NXPE2: variants seen among roughly 807,000 people sequenced by gnomAD.
NXPE2 encodes NXPE family member 2.
NXPE2 carries 34 observed loss-of-function variants against 34.4 expected under a neutral mutation model. The ratio of observed to expected loss-of-function variants is 0.99; its 90% CI spans 0.75 to 1.31. The LOEUF is 1.31. Ranked by LOEUF, NXPE2 falls within the 40% of genes most tolerant of loss-of-function variation. The pLI is 0.00. For missense variants in NXPE2, 649 were observed against 672.5 expected, an observed-to-expected ratio of 0.97 and a Z score of 0.39; for synonymous variants, 235 against 231.3, an observed-to-expected ratio of 1.02 and a Z score of -0.15.
chr11:114,660,800 C>A, the NXPE2 span, among the ~76,000 whole-genome samples: 1 of 152,014 alleles, frequency 6.6e-6, no homozygotes, highest in African/African-American at 2.4e-5. Context: ...AAGGAAAATA[C>A]AACTACATAT....
the NXPE2 span, among the ~76,000 whole-genome samples, chr11:114,774,415 G>A: frequency 6.6e-6 from 1 of 152,300 alleles, no homozygotes; most frequent in Non-Finnish European, 1.5e-5. Flanking sequence ...TCTGAAAAAG[G>A]CCGTTGTGAA....
the NXPE2 span, among the ~76,000 whole-genome samples, chr11:114,749,140 A>C: frequency 6.6e-6 from 1 of 152,170 alleles, no homozygotes; most frequent in South Asian, 2.1e-4. Context: ...AAGCATACGT[A>C]TTTAGAAGCC....
At chr11:114,728,984 C>A in the NXPE2 span, among the ~76,000 whole-genome samples, 1 of 151,966 alleles carries the variant, frequency 6.6e-6, no homozygotes, top group Non-Finnish European at 1.5e-5. Flanking sequence ...CATGGGTATA[C>A]TGAGTGATGC....
At chr11:114,801,979 T>C in the NXPE2 span, among the ~76,000 whole-genome samples, 2 of 152,164 alleles carry the variant, frequency 1.3e-5, no homozygotes, top group East Asian at 1.9e-4. Flanking sequence ...GCTACACTTA[T>C]AAATTTACAA....
At chr11:114,736,446 T>C in the NXPE2 span, among the ~76,000 whole-genome samples, 1 of 152,340 alleles carries the variant, frequency 6.6e-6, no homozygotes, top group Non-Finnish European at 1.5e-5. Context: ...TCCCATTTGC[T>C]TTTGAAAGAA....
the NXPE2 span, among the ~76,000 whole-genome samples, chr11:114,593,907 G>C: frequency 6.6e-6 from 1 of 152,102 alleles, no homozygotes; most frequent in South Asian, 2.1e-4. Context: ...TATGTTAAGT[G>C]AAATAAGCTA....
chr11:114,663,951 G>A, the NXPE2 span, among the ~76,000 whole-genome samples: 2 of 152,078 alleles, frequency 1.3e-5, no homozygotes, highest in African/African-American at 4.8e-5. Flanking sequence ...CTGATGGGGT[G>A]CAAAAATGGT....
chr11:114,654,343 T>G, the NXPE2 span, among the ~76,000 whole-genome samples: 1 of 148,702 alleles, frequency 6.7e-6, no homozygotes, highest in East Asian at 2.0e-4. Context: ...ATCCCAACTA[T>G]TTTTTTTTTA....
chr11:114,651,110 A>C, the NXPE2 span, among the ~76,000 whole-genome samples: 1 of 152,012 alleles, frequency 6.6e-6, no homozygotes, highest in East Asian at 1.9e-4. Flanking sequence ...TATTATATAT[A>C]ATAGAATGTG....
At chr11:114,468,074 G>A in the NXPE2 span, among the ~76,000 whole-genome samples, 1 of 150,440 alleles carries the variant, frequency 6.6e-6, no homozygotes, top group African/African-American at 2.4e-5. Flanking sequence ...CACATTGGAA[G>A]AAGAATTGTC....
the NXPE2 span, among the ~76,000 whole-genome samples, chr11:114,629,481 T>C: frequency 6.6e-6 from 1 of 151,290 alleles, no homozygotes; most frequent in African/African-American, 2.4e-5. Flanking sequence ...CCCTTCATGC[T>C]AAAAACTCTC....
chr11:114,709,707 C>G (rs1859573698), downstream of NXPE2, among the ~76,000 whole-genome samples: 1 of 152,018 alleles, frequency 6.6e-6, no homozygotes, highest in Non-Finnish European at 1.5e-5. Flanking sequence ...AGTTTGAGAC[C>G]AGCTTGGCCA....
At chr11:114,787,180 CAA>C in the NXPE2 span, among the ~76,000 whole-genome samples, 11 of 151,012 alleles carry the variant, frequency 7.3e-5, no homozygotes, top group African/African-American at 2.7e-4. Flanking sequence ...CGCACACACA[CAA>C]AAAAAAAGTG....
chr11:114,627,983 A>G, the NXPE2 span, among the ~76,000 whole-genome samples: 31 of 151,972 alleles, frequency 2.0e-4, no homozygotes, highest in African/African-American at 6.3e-4. Context: ...TCCTAAATAT[A>G]TATGGACCCA....
At chr11:114,582,865 G>A in the NXPE2 span, 1 of 1,614,200 alleles carries the variant, frequency 6.2e-7, no homozygotes, top group Non-Finnish European at 8.5e-7. Flanking sequence ...AAAGGTCTGG[G>A]TGGGATCTGC....
the NXPE2 span, among the ~76,000 whole-genome samples, chr11:114,655,553 T>G: frequency 6.6e-6 from 1 of 152,190 alleles, no homozygotes; most frequent in Non-Finnish European, 1.5e-5. Context: ...GGCTAGCCAG[T>G]TTTCCCAGCA....
the NXPE2 span, among the ~76,000 whole-genome samples, chr11:114,799,198 C>T: frequency 6.8e-6 from 1 of 147,668 alleles, no homozygotes. Flanking sequence ...ATAAGTTAGT[C>T]TATCTTTAGG....
At chr11:114,677,251 G>A (rs912232440), upstream of NXPE2, among the ~76,000 whole-genome samples, 1 of 151,948 alleles carries the variant, frequency 6.6e-6, no homozygotes, top group African/African-American at 2.4e-5. Context: ...CTTGAAAATT[G>A]CAAAGAGACT....
At chr11:114,511,444 G>A in the NXPE2 span, among the ~76,000 whole-genome samples, 1 of 152,202 alleles carries the variant, frequency 6.6e-6, no homozygotes, top group Non-Finnish European at 1.5e-5. Context: ...AGAAAGAGGG[G>A]TCTCAGAGAG....
Sources: allele counts gnomAD v4.1 joint callset (sites outside exome capture counted in the v4.1 genomes callset), GRCh38; gene constraint gnomAD v4.1.1; transcripts MANE v1.5; gene names NCBI Gene and HGNC (gene_info 2026-07-23, HGNC 2026-07-21).